Variants in CFLAR observed in about 807,000 individuals in gnomAD.
The protein encoded by CFLAR is CASP8 and FADD-like apoptosis regulator.
A neutral mutation model predicts 51.1 loss-of-function variants in CFLAR; 14 were observed. That is an observed-to-expected ratio of 0.27 (90% CI 0.18 to 0.43). CFLAR has a LOEUF of 0.43. Ranked by LOEUF, CFLAR falls within the 20% of genes least tolerant of loss-of-function variation. CFLAR has a pLI of 1.00. For synonymous variants in CFLAR, 210 were observed against 211.6 expected (o/e 0.99, Z 0.06); for missense variants, 390 against 566.5 (o/e 0.69, Z 3.16).
chr2:201,160,969 C>T (rs777080242), intron 9 of CFLAR, 27 bp downstream of exon 9: 55 of 1,549,570 alleles, frequency 3.5e-5, no homozygotes, highest in Middle Eastern at 1.8e-4. Flanking sequence ...TGGTCAGTTC[C>T]GGACCACCTG....
chr2:201,153,023 A>G (rs1242541911), intron 8 of CFLAR: 1 of 152,304 alleles, frequency 6.6e-6, no homozygotes, highest in African/African-American at 2.4e-5. Context: ...TCCTGGTCAG[A>G]CATAGTCCTT....
chr2:201,118,085 G>A lies in CFLAR; in HGVS notation c.-138+1604G>A, dbSNP rs1575573199. On this transcript the variant is annotated intron_variant, in intron 1 of 9. Transcript: ENST00000309955. This position sits in a 1 kb window ranked among gnomAD's most constrained non-coding sequence, Gnocchi z 5.1. ...CCAAGATCTAAACAAAAAAGACTGGGTTGAAAGGGAGTTTTTAATGTTTAC... is the reference window on the plus strand; with the variant it reads ...CCAAGATCTAAACAAAAAAGACTGGATTGAAAGGGAGTTTTTAATGTTTAC... Among the ~76,000 whole-genome samples, 1 of 152,214 alleles carries A rather than the reference G, an allele frequency of 6.6e-6. No individual in the cohort carries two copies. The highest frequency in any genetic ancestry group is 1.5e-5 in the Non-Finnish European group (1 of 68,048).
At chr2:201,161,992 C>T (rs12693927) in intron 9 of CFLAR, among the ~76,000 whole-genome samples, 63,004 of 151,556 alleles carry the variant, frequency 0.42, 13,382 homozygotes, top group Non-Finnish European at 0.47. Flanking sequence ...AAGTGATCCA[C>T]GTACCTCGGC....
rs2050522575 is a variant in CFLAR at position 201,138,814 on chromosome 2, T to C, written c.524-1543T>C. The C allele has an allele frequency of 2.7e-6, 2 of 754,106 alleles. No individual in the cohort carries two copies. Among genetic ancestry groups the C allele is most frequent in the Non-Finnish European group, 4.9e-6 (2 of 409,512 alleles). 46.7% of individuals were successfully genotyped at this position (754,106 alleles called of 1,614,324 possible). On this transcript the variant is annotated intron_variant, in intron 4 of 9. Coordinates refer to ENST00000309955, the MANE Select transcript of CFLAR (RefSeq NM_003879.7). The surrounding 1 kb of genome is among the most constrained non-coding windows in gnomAD (Gnocchi z 4.0). Reference sequence around the variant, plus strand: ...AAACCAGTACCTCCCATCAGAGCCATCACGATGGCCAGGTCGGCCTCTGTC... The same window carrying C: ...AAACCAGTACCTCCCATCAGAGCCACCACGATGGCCAGGTCGGCCTCTGTC...
At chr2:201,132,872 G>T in intron 2 of CFLAR, 157 bp from the exon 3 acceptor site, 1 of 602,606 alleles carries the variant, frequency 1.7e-6, no homozygotes. Context: ...TCTCTTCCTG[G>T]GGTGATCTAG....
chr2:201,136,612 GC>G, intron 4 of CFLAR: 1 of 1,433,264 alleles, frequency 7.0e-7, no homozygotes, highest in Non-Finnish European at 9.1e-7. Context: ...TGCTTTACTT[GC>G]ATTCCTCATT....
At chr2:201,140,092 T>A in intron 4 of CFLAR, 2 of 201,086 alleles carry the variant, frequency 9.9e-6, no homozygotes, top group South Asian at 2.3e-4. Context: ...GGCGCGCCGC[T>A]GCCACGCTGC....
chr2:201,116,234 A>AGC lies in CFLAR; in HGVS notation c.-384_-383dup, dbSNP rs1248921320. 2 of 152,270 alleles carry AGC rather than the reference A, an allele frequency of 1.3e-5. No individual in the cohort carries two copies. Among genetic ancestry groups the AGC allele is most frequent in the Non-Finnish European group, 2.9e-5 (2 of 68,096 alleles). The allele number at this position is 152,270 out of a possible 1,614,324, so 9.4% of individuals were successfully genotyped here. ...AGTCTCAACTAAAAGGGACTCCCGG[A>AGC]GCTAGGGGTGGGGACTCGGCCTCAC... On this transcript the variant is annotated 5_prime_UTR_variant, in exon 1 of 10. Transcript: ENST00000309955. This position sits in a 1 kb window ranked among gnomAD's most constrained non-coding sequence, Gnocchi z 4.8.
At chr2:201,136,350 T>A (rs1448586616) in intron 4 of CFLAR, 6 of 1,598,494 alleles carry the variant, frequency 3.8e-6, no homozygotes, top group Non-Finnish European at 5.1e-6. Context: ...TCTTAACATT[T>A]CAGTCTTCAA....
intron 1 of CFLAR, chr2:201,122,749 T>C (rs954107052): frequency 1.3e-5 from 2 of 152,178 alleles, no homozygotes; most frequent in African/African-American, 2.4e-5. Flanking sequence ...TAATTTCAGG[T>C]ACAGACTGAG....
chr2:201,128,003 T>TA (rs1301958995), intron 1 of CFLAR, among the ~76,000 whole-genome samples: 7 of 152,160 alleles, frequency 4.6e-5, no homozygotes, highest in African/African-American at 1.4e-4. Context: ...TAGATGACTG[T>TA]AAAAAAATAG....
At position 201,176,056 on chromosome 2, in the gene CFLAR, A is replaced by C. The variant is rs1944164414; in HGVS notation, c.*12083A>C. 6.6e-6 allele frequency: 1 copy of C among 152,270 alleles called. No homozygotes were observed. The highest frequency in any genetic ancestry group is 1.5e-5 in the Non-Finnish European group (1 of 68,140). The allele number at this position is 152,270 out of a possible 1,614,324, so 9.4% of individuals were successfully genotyped here. On this transcript the variant is annotated 3_prime_UTR_variant, in exon 10 of 10. Transcript: ENST00000309955. ...TGGGAGGCGGAGGTTGCAGTGAGCCAAGAAAGTTTATTAAGCTTTAGAACA... is the reference window on the plus strand; with the variant it reads ...TGGGAGGCGGAGGTTGCAGTGAGCCCAGAAAGTTTATTAAGCTTTAGAACA...
chr2:201,156,158 T>C (rs537075610), intron 8 of CFLAR, among the ~76,000 whole-genome samples: 4 of 152,346 alleles, frequency 2.6e-5, no homozygotes, highest in African/African-American at 9.6e-5. Context: ...TGTCCAAGTG[T>C]TTCTGTAGGC....
At chr2:201,130,943 T>TC (rs1180098635) in intron 2 of CFLAR, among the ~76,000 whole-genome samples, 1 of 152,226 alleles carries the variant, frequency 6.6e-6, no homozygotes, top group Non-Finnish European at 1.5e-5. Flanking sequence ...CCCTTCTGAA[T>TC]CCCTGTTGGC....
Position 201,149,882 on chromosome 2 carries a change from A to G in CFLAR, c.793+47A>G. ...TAACTGGTGCCCCCAGATTGAGATC[A>G]TGGCACAGGCAAGCTGTATTCATTG... On this transcript the variant is annotated intron_variant, in intron 8 of 9. Transcript: ENST00000309955. 5 of 1,380,912 alleles carry G rather than the reference A, an allele frequency of 3.6e-6. No homozygotes were observed. The South Asian group carries it at 4.6e-5, about 13-fold the overall frequency. The allele number at this position is 1,380,912 out of a possible 1,614,324, so 85.5% of individuals were successfully genotyped here.
chr2:201,163,815 G>A lies in CFLAR; in HGVS notation c.1305-20G>A. ...TGATATTTGCATGGCATTAAATTTTGCCTTTCTTGTTTTCTCCAGAAAACG... is the reference window on the plus strand; with the variant it reads ...TGATATTTGCATGGCATTAAATTTTACCTTTCTTGTTTTCTCCAGAAAACG... On this transcript the variant is annotated intron_variant, in intron 9 of 9. Coordinates refer to ENST00000309955, the MANE Select transcript of CFLAR (RefSeq NM_003879.7). 6.3e-7 allele frequency: 1 copy of A among 1,597,634 alleles called. No individual in the cohort carries two copies. Among genetic ancestry groups the A allele is most frequent in the Non-Finnish European group, 8.5e-7 (1 of 1,172,912 alleles).
intron 6 of CFLAR, 34 bp downstream of exon 6, chr2:201,145,466 T>C (rs745543569): frequency 8.9e-6 from 12 of 1,351,584 alleles, no homozygotes; most frequent in African/African-American, 1.4e-5. Flanking sequence ...TCATTATTTA[T>C]AAATGCTTGA....
At chr2:201,117,904 C>A (rs896133476) in intron 1 of CFLAR, among the ~76,000 whole-genome samples, 16 of 152,126 alleles carry the variant, frequency 1.1e-4, no homozygotes, top group African/African-American at 2.9e-4. Context: ...TACAGGCATG[C>A]ACCACCATGC....
intron 4 of CFLAR, chr2:201,137,710 CT>C: frequency 2.6e-6 from 2 of 773,160 alleles, no homozygotes. Context: ...TGAATGGACC[CT>C]TTGTCCTGGA....
Sources: gnomAD v4.1 joint callset for allele counts (sites outside exome capture counted in the v4.1 genomes callset) on GRCh38, gnomAD v4.1.1 for gene constraint, Gnocchi (gnomAD v3.1) non-coding constraint, MANE v1.5 for transcripts, NCBI Gene and HGNC (gene_info 2026-07-23, HGNC 2026-07-21) for gene names.